Variants in ZNF385D observed in about 807,000 individuals in gnomAD.
ZNF385D encodes zinc finger protein 385D, also known as zinc finger protein 659.
Under a neutral mutation model 35.8 loss-of-function variants are expected in ZNF385D, and 15 were observed. The observed-to-expected ratio is 0.42, with a 90% CI of 0.28 to 0.64. The LOEUF (loss-of-function observed/expected upper bound fraction) is 0.64, where lower values mean the gene tolerates loss of function less well. Ranked by LOEUF, ZNF385D falls within the 30% of genes least tolerant of loss-of-function variation. The pLI is 0.23. For synonymous variants in ZNF385D, 212 were observed against 186.8 expected, an observed-to-expected ratio of 1.13 and a Z score of -1.10; for missense variants, 474 against 494.6, an observed-to-expected ratio of 0.96 and a Z score of 0.39.
In ZNF385D at chr3:21,458,037, A is replaced by G. The variant is rs535805224; in HGVS notation, c.440-20834T>C. 3.9e-5 allele frequency among the ~76,000 whole-genome samples: 6 copies of G among 152,302 alleles called. No homozygotes were observed. In the South Asian group the frequency reaches 1.2e-3, roughly 32 times the overall value. On this transcript the variant is annotated intron_variant, in intron 4 of 7. Transcript: ENST00000281523. ...GTTCCTGAGATGCTTAAGAGAATCA[A>G]CAACAACAAAACATTCAGCAGCTGA...
chr3:22,010,171 A>T (rs996000229), intron 3 of ZNF385D, among the ~76,000 whole-genome samples: 1 of 152,188 alleles, frequency 6.6e-6, no homozygotes, highest in African/African-American at 2.4e-5. Flanking sequence ...TGAAAAAAGT[A>T]TATGTTTTAA....
chr3:21,649,208 T>C (rs1256342774), intron 2 of ZNF385D, among the ~76,000 whole-genome samples: 1 of 152,156 alleles, frequency 6.6e-6, no homozygotes, highest in East Asian at 1.9e-4. Flanking sequence ...ATAGCATATA[T>C]GACATTATAT....
intron 3 of ZNF385D, among the ~76,000 whole-genome samples, chr3:21,868,845 T>C (rs545720068): frequency 2.6e-5 from 4 of 152,260 alleles, no homozygotes; most frequent in South Asian, 2.1e-4. Flanking sequence ...TCTTATTGCA[T>C]TGTGGACATG....
intron 4 of ZNF385D, among the ~76,000 whole-genome samples, chr3:21,458,571 A>G (rs1401855134): frequency 6.6e-6 from 1 of 152,056 alleles, no homozygotes. Flanking sequence ...ATGAAAGGAT[A>G]AATAAAATGT....
rs548483686 is a variant in ZNF385D, at chr3:21,676,048, A to G, written c.23-11020T>C. Reference sequence around the variant, plus strand: ...TGTTATTTCATAAAGACCATGGCACAAAATTCCTAGGAAACCTAACTGTTG... The same window carrying G: ...TGTTATTTCATAAAGACCATGGCACGAAATTCCTAGGAAACCTAACTGTTG... On this transcript the variant is annotated intron_variant, in intron 1 of 7. Transcript: ENST00000281523. 9.9e-5 allele frequency among the ~76,000 whole-genome samples: 15 copies of G among 152,254 alleles called. No individual in the cohort carries two copies. The East Asian group carries it at 1.5e-3, about 16-fold the overall frequency.
chr3:21,838,039 T>C (rs1301820718), intron 3 of ZNF385D, among the ~76,000 whole-genome samples: 2 of 152,114 alleles, frequency 1.3e-5, no homozygotes. Flanking sequence ...ATCCCTTTTA[T>C]TTCAAAGCAT....
intron 2 of ZNF385D, among the ~76,000 whole-genome samples, chr3:22,273,412 C>T (rs1701275982): frequency 6.6e-6 from 1 of 151,850 alleles, no homozygotes; most frequent in African/African-American, 2.4e-5. Flanking sequence ...TAAATATTTG[C>T]AACTGGAACT....
chr3:22,121,930 A>C (rs1703109071), intron 3 of ZNF385D, among the ~76,000 whole-genome samples: 1 of 152,104 alleles, frequency 6.6e-6, no homozygotes, highest in African/African-American at 2.4e-5. Context: ...GGCTAATCTT[A>C]AGACAGACAG....
chr3:22,161,257 A>G (rs1308688689), intron 3 of ZNF385D, among the ~76,000 whole-genome samples: 1 of 152,082 alleles, frequency 6.6e-6, no homozygotes, highest in Non-Finnish European at 1.5e-5. Flanking sequence ...TGCTTGTAAA[A>G]CTGTACAAAC....
chr3:22,248,571 G>A (rs949698157), intron 2 of ZNF385D, among the ~76,000 whole-genome samples: 1 of 135,414 alleles, frequency 7.4e-6, no homozygotes, highest in African/African-American at 2.6e-5. Context: ...TTTTCAGGAG[G>A]CAAGGCTTTT....
intron 2 of ZNF385D, among the ~76,000 whole-genome samples, chr3:22,322,211 T>A (rs1694471216): frequency 6.6e-6 from 1 of 152,214 alleles, no homozygotes; most frequent in Admixed American, 6.5e-5. Context: ...CTCTTCTTCA[T>A]CTTTTCCTAA....
chr3:21,445,664 A>G (rs575156184), intron 4 of ZNF385D, among the ~76,000 whole-genome samples: 19 of 152,346 alleles, frequency 1.2e-4, no homozygotes, highest in African/African-American at 3.8e-4. Flanking sequence ...GTATATAAAT[A>G]TACTCCATAA....
chr3:22,361,440 A>G (rs1442337438), intron 2 of ZNF385D, among the ~76,000 whole-genome samples: 1 of 152,100 alleles, frequency 6.6e-6, no homozygotes, highest in Non-Finnish European at 1.5e-5. Flanking sequence ...TCAAGGTACA[A>G]AACTGTTAAA....
intron 4 of ZNF385D, 67 bp downstream of exon 4, chr3:21,510,794 G>A: frequency 1.3e-6 from 2 of 1,592,406 alleles, no homozygotes; most frequent in Non-Finnish European, 1.7e-6. Flanking sequence ...CAGACATGGG[G>A]CTAGACAAGG....
chr3:22,212,401 T>C (rs548781956), intron 2 of ZNF385D, among the ~76,000 whole-genome samples: 36 of 152,020 alleles, frequency 2.4e-4, no homozygotes, highest in Non-Finnish European at 2.8e-4. Context: ...ATTGAGAAGA[T>C]TGGAGGGCAA....
intron 3 of ZNF385D, among the ~76,000 whole-genome samples, chr3:22,111,461 C>T (rs576385249): frequency 3.4e-4 from 52 of 152,104 alleles, no homozygotes; most frequent in Middle Eastern, 6.8e-3. Context: ...TACTGGGGTA[C>T]GCACATGGTG....
intron 2 of ZNF385D, among the ~76,000 whole-genome samples, chr3:22,329,429 G>C (rs1694833217): frequency 6.6e-6 from 1 of 152,108 alleles, no homozygotes; most frequent in Non-Finnish European, 1.5e-5. Flanking sequence ...CAGACTAGAA[G>C]TTTTAAAATT....
intron 3 of ZNF385D, among the ~76,000 whole-genome samples, chr3:21,787,296 TC>T (rs1352941839): frequency 6.6e-6 from 1 of 151,996 alleles, no homozygotes; most frequent in Non-Finnish European, 1.5e-5. Context: ...TCCCCTCCTC[TC>T]CTCTTTCTCC....
chr3:21,982,288 A>AC (rs1158642428), intron 3 of ZNF385D, among the ~76,000 whole-genome samples: 1 of 151,188 alleles, frequency 6.6e-6, no homozygotes, highest in Non-Finnish European at 1.5e-5. Flanking sequence ...GAGATCTTGC[A>AC]CCTCCCTGGT....
Sources: allele counts gnomAD v4.1 joint callset (sites outside exome capture counted in the v4.1 genomes callset), GRCh38; gene constraint gnomAD v4.1.1; transcripts MANE v1.5; gene names NCBI Gene and HGNC (gene_info 2026-07-23, HGNC 2026-07-21).